The following PCTP variants were observed in gnomAD, a reference collection of about 807,000 sequenced individuals.
PCTP encodes START domain-containing protein 2.
A neutral mutation model predicts 31.0 loss-of-function variants in PCTP; 27 were observed. The observed-to-expected ratio is 0.87, with a 90% CI of 0.64 to 1.20. The LOEUF (loss-of-function observed/expected upper bound fraction) is 1.20, where lower values mean the gene tolerates loss of function less well. Among genes scored for constraint, PCTP ranks in the 50% most tolerant of loss-of-function variants. The pLI is 0.00. For missense variants in PCTP, 287 were observed against 268.2 expected (o/e 1.07, Z -0.49); for synonymous variants, 108 against 101.2 (o/e 1.07, Z -0.40).
At position 55,834,034 on chromosome 17, in the gene PCTP, T is replaced by C. The variant is rs182649371; in HGVS notation, n.506-8693T>C. Among the ~76,000 whole-genome samples, 30 of 152,202 alleles carry C rather than the reference T, an allele frequency of 2.0e-4. No individual in the cohort carries two copies. The East Asian group carries it at 5.6e-3, about 28-fold the overall frequency. ...CAAAAATGTAGGTGAATTAGAATAA[T>C]GAAAGAGGTGTATCTCACGAAACAC... On this transcript the variant is annotated intron_variant and non_coding_transcript_variant, in intron 5 of 5. Transcript: ENST00000576221.
downstream of PCTP, among the ~76,000 whole-genome samples, chr17:55,779,711 C>T (rs1284583000): frequency 6.6e-6 from 1 of 152,234 alleles, no homozygotes; most frequent in African/African-American, 2.4e-5. Flanking sequence ...GCATCTCTGA[C>T]AGCCTCTCCA....
chr17:55,783,050 A>G (rs1228841070), intron 2 of PCTP, among the ~76,000 whole-genome samples: 3 of 152,170 alleles, frequency 2.0e-5, no homozygotes, highest in African/African-American at 4.8e-5. Context: ...AATTTGACCA[A>G]TAATGCCTGA....
intron 2 of PCTP, among the ~76,000 whole-genome samples, chr17:55,786,724 G>A (rs987710375): frequency 1.1e-4 from 16 of 152,286 alleles, no homozygotes; most frequent in African/African-American, 3.8e-4. Flanking sequence ...GATGTTTAGT[G>A]TGTCTTCATT....
At chr17:55,814,053 C>CA (rs111612560) in intron 3 of PCTP, among the ~76,000 whole-genome samples, 7,434 of 121,232 alleles carry the variant, frequency 0.061, 518 homozygotes, top group African/African-American at 0.19. Flanking sequence ...GACCCTGTGT[C>CA]AAAAAAAAAA....
At chr17:55,771,247 C>A (rs748520225) in intron 3 of PCTP, 62 bp downstream of exon 3, 10 of 1,252,162 alleles carry the variant, frequency 8.0e-6, no homozygotes, top group Non-Finnish European at 1.1e-5. Context: ...TCCTCAGCTG[C>A]AGTCTATTGC....
In PCTP at chr17:55,775,329, A is replaced by G; in HGVS notation, c.579+470A>G. ...CTATAAGGGAGGGAACTGCAGTGGTAGTTTGTATCACTAGAGACTGCCCAG... is the reference window on the plus strand; with the variant it reads ...CTATAAGGGAGGGAACTGCAGTGGTGGTTTGTATCACTAGAGACTGCCCAG... On this transcript the variant is annotated intron_variant, in intron 5 of 5. Transcript: ENST00000268896. The G allele has an allele frequency of 4.1e-6, 5 of 1,230,378 alleles. No individual in the cohort carries two copies. In the South Asian group the frequency reaches 2.1e-4, roughly 51 times the overall value. 76.2% of individuals were successfully genotyped at this position (1,230,378 alleles called of 1,614,324 possible).
intron 3 of PCTP, among the ~76,000 whole-genome samples, chr17:55,790,917 A>G (rs1036343329): frequency 5.3e-5 from 8 of 151,332 alleles, no homozygotes; most frequent in Non-Finnish European, 1.2e-4. Flanking sequence ...CTACAAGGCT[A>G]CAGTAACCAA....
chr17:55,776,811 G>C lies in PCTP; in HGVS notation c.*711G>C. 9.6e-7 allele frequency: 1 copy of C among 1,040,030 alleles called. No individual in the cohort carries two copies. Among genetic ancestry groups the C allele is most frequent in the Non-Finnish European group, 1.2e-6 (1 of 866,304 alleles). The allele number at this position is 1,040,030 out of a possible 1,614,324, so 64.4% of individuals were successfully genotyped here. A position where few individuals can be genotyped will look rare whatever the true frequency, so the allele number is the denominator to read the frequency against. On this transcript the variant is annotated 3_prime_UTR_variant, in exon 6 of 6. Transcript: ENST00000268896. ...CCACATTTTTCCTCATCATCCATGA[G>C]GAAATGGATGATTTCTCTTTTCCAT...
chr17:55,757,959 A>G (rs1351656417), intron 1 of PCTP, among the ~76,000 whole-genome samples: 2 of 152,168 alleles, frequency 1.3e-5, no homozygotes, highest in African/African-American at 2.4e-5. Context: ...TTGGGAGTAA[A>G]TGTGGTCCCC....
chr17:55,758,536 T>C (rs1475593232), intron 1 of PCTP, among the ~76,000 whole-genome samples: 1 of 152,216 alleles, frequency 6.6e-6, no homozygotes, highest in Non-Finnish European at 1.5e-5. Context: ...TACTTCAGGA[T>C]TGTAAAACTG....
At chr17:55,840,479 C>T (rs182647654) in intron 5 of PCTP, among the ~76,000 whole-genome samples, 19 of 152,304 alleles carry the variant, frequency 1.2e-4, no homozygotes, top group Admixed American at 9.1e-4. Context: ...GATGTGCTCA[C>T]TGAGGCCATA....
At position 55,807,745 on chromosome 17, in the gene PCTP, G is replaced by C. The variant is rs903140539; in HGVS notation, c.318-15016G>C. Among the ~76,000 whole-genome samples the C allele has an allele frequency of 2.0e-5, 3 of 152,118 alleles. No homozygotes were observed. The East Asian group carries it at 5.8e-4, about 29-fold the overall frequency. ...CTTTTTCACTTTAAGTCAACTTTCA[G>C]CATTTTCAGGGTTAAGACTCTAGAG... On this transcript the variant is annotated intron_variant, in intron 3 of 3. Transcript: ENST00000572536.
intron 1 of PCTP, among the ~76,000 whole-genome samples, chr17:55,753,785 A>T (rs116617751): frequency 1.1e-4 from 16 of 152,346 alleles, no homozygotes; most frequent in African/African-American, 3.8e-4. Context: ...GGTCCAGGGA[A>T]AGTCAGTGGC....
At chr17:55,780,756 A>G (rs1911535645), downstream of PCTP, among the ~76,000 whole-genome samples, 2 of 152,214 alleles carry the variant, frequency 1.3e-5, no homozygotes, top group South Asian at 4.1e-4. Flanking sequence ...AAGTGTGGCC[A>G]TGGTATGTAA....
At chr17:55,824,986 A>G (rs1053691807), downstream of PCTP, among the ~76,000 whole-genome samples, 2 of 152,202 alleles carry the variant, frequency 1.3e-5, no homozygotes, top group African/African-American at 2.4e-5. Context: ...GAAAAAATAA[A>G]AGTGAAGTTC....
At chr17:55,762,049 G>A (rs182113262) in intron 1 of PCTP, among the ~76,000 whole-genome samples, 13 of 152,292 alleles carry the variant, frequency 8.5e-5, no homozygotes, top group African/African-American at 2.9e-4. Context: ...TTGCAGAGCC[G>A]TTCTTTTATA....
chr17:55,775,619 CAA>C (rs1911286094), intron 5 of PCTP: 2 of 1,194,678 alleles, frequency 1.7e-6, no homozygotes, highest in Non-Finnish European at 2.1e-6. Context: ...GCCCAGTGCT[CAA>C]CATTAACTAA....
chr17:55,802,752 C>T (rs1487316476), intron 3 of PCTP, among the ~76,000 whole-genome samples: 1 of 152,116 alleles, frequency 6.6e-6, no homozygotes. Flanking sequence ...AAACCCACAG[C>T]CAATATCATA....
At chr17:55,846,516 G>C (rs763582919), downstream of PCTP, among the ~76,000 whole-genome samples, 4 of 152,168 alleles carry the variant, frequency 2.6e-5, no homozygotes, top group Non-Finnish European at 4.4e-5. Context: ...TTAGGGGTCA[G>C]GGAAAGGGGA....
Sources: allele counts gnomAD v4.1 joint callset (sites outside exome capture counted in the v4.1 genomes callset), GRCh38; gene constraint gnomAD v4.1.1; transcripts MANE v1.5; gene names NCBI Gene and HGNC (gene_info 2026-07-23, HGNC 2026-07-21).